PRAM1: variants seen among roughly 807,000 people sequenced by gnomAD.
The protein encoded by PRAM1 is PML-RARA regulated adaptor molecule 1, also known as PML-RARA-regulated adapter molecule 1.
Under a neutral mutation model 55.3 loss-of-function variants are expected in PRAM1, and 41 were observed. The observed-to-expected ratio is 0.74, with a 90% CI of 0.58 to 0.96. The LOEUF (loss-of-function observed/expected upper bound fraction) is 0.96. Among genes scored for constraint, PRAM1 ranks in the 40% least tolerant of loss-of-function variants. The pLI, the probability that PRAM1 is intolerant of heterozygous loss-of-function variation, is 0.00. For missense variants in PRAM1, 898 were observed against 892.7 expected, an observed-to-expected ratio of 1.01 and a Z score of -0.08; for synonymous variants, 401 against 387.1, an observed-to-expected ratio of 1.04 and a Z score of -0.42.
Position 8,490,078 on chromosome 19 carries a change from T to C in PRAM1, c.*111A>G. The C allele has an allele frequency of 9.4e-7, 1 of 1,068,466 alleles. No individual in the cohort carries two copies. Among genetic ancestry groups the C allele is most frequent in the Admixed American group, 2.9e-5 (1 of 34,626 alleles). 66.2% of individuals were successfully genotyped at this position (1,068,466 alleles called of 1,614,324 possible). Reference sequence around the variant, plus strand: ...GACTGCTTTAAACTGGGGCTTTATGTGGCCAGGTACAAGCCCAGGCAGCTC... The same window carrying C: ...GACTGCTTTAAACTGGGGCTTTATGCGGCCAGGTACAAGCCCAGGCAGCTC... On this transcript the variant is annotated 3_prime_UTR_variant, in exon 10 of 10. Transcript: ENST00000423345. This position sits in a 1 kb window ranked among gnomAD's most constrained non-coding sequence, Gnocchi z 7.3.
In PRAM1 at chr19:8,499,796, C is replaced by A; in HGVS notation, c.28-16G>T. ...GATGGCTCTCCTAGGAGACGCAGAG[C>A]CAATGAGGCAGGGGCTCAAACACAC... is the stretch of plus-strand genomic sequence containing the variant. On this transcript the variant is annotated splice_polypyrimidine_tract_variant and intron_variant, in intron 1 of 9. Coordinates refer to ENST00000423345, the MANE Select transcript of PRAM1 (RefSeq NM_032152.5). 1 of 1,569,974 alleles carries A rather than the reference C, an allele frequency of 6.4e-7. No individual in the cohort carries two copies. The highest frequency in any genetic ancestry group is 8.6e-7 in the Non-Finnish European group (1 of 1,158,018).
In PRAM1 at chr19:8,493,094, G is replaced by A. The variant is rs1445514585; in HGVS notation, c.1577-1937C>T. The stretch of plus-strand genomic sequence containing the variant: ...GACTCTGGACTGAGGGGTCTCCCAT[G>A]GTGCCAGTCTCCCTGTGCCACTTCC... On this transcript the variant is annotated intron_variant, in intron 4 of 9. Transcript: ENST00000423345. The surrounding 1 kb of genome is among the most constrained non-coding windows in gnomAD (Gnocchi z 4.1). Among the ~76,000 whole-genome samples the A allele has an allele frequency of 4.6e-5, 7 of 152,178 alleles. No homozygotes were observed. The highest frequency in any genetic ancestry group is 1.7e-4 in the African/African-American group (7 of 41,428).
Position 8,495,535 on chromosome 19 carries a change from G to A in PRAM1, c.1576+2229C>T, listed in dbSNP as rs549102059. On this transcript the variant is annotated intron_variant, in intron 4 of 9. Coordinates refer to ENST00000423345, the MANE Select transcript of PRAM1 (RefSeq NM_032152.5). Reference sequence around the variant, plus strand: ...GATGACAGGTGTGAGCTGCCACGCCGGGCCAGCCTTGTGCATCTGTAAAAT... The same window carrying A: ...GATGACAGGTGTGAGCTGCCACGCCAGGCCAGCCTTGTGCATCTGTAAAAT... 3.0e-4 allele frequency among the ~76,000 whole-genome samples: 45 copies of A among 152,158 alleles called. No homozygotes were observed. The Middle Eastern group carries it at 0.014, about 46-fold the overall frequency.
In PRAM1 at chr19:8,499,387, T is replaced by A; in HGVS notation, c.421A>T (p.Arg141Trp). 6.2e-7 allele frequency: 1 copy of A among 1,612,914 alleles called. No individual in the cohort carries two copies. The highest frequency in any genetic ancestry group is 8.5e-7 in the Non-Finnish European group (1 of 1,179,818). Reference protein sequence around the residue: ...FPQLGATPFPRKPLQPEVGEA... With the variant: ...FPQLGATPFPWKPLQPEVGEA... ...CCGACCTCAGGCTGCAGGGGCTTCC[T>A]TGGAAACGGAGTGGCCCCCAGCTGT... The change falls in exon 2 of 10, where the codon AGG (arginine) becomes TGG (tryptophan). Residue 141 changes from arginine (R) to tryptophan (W), a missense_variant. This residue lies in a region of PRAM1 where 787 missense variants were observed against 735.4 expected (regional missense o/e 1.07). Coordinates refer to ENST00000423345, the MANE Select transcript of PRAM1 (RefSeq NM_032152.5).
Position 8,490,079 on chromosome 19 carries a change from G to C in PRAM1, c.*110C>G. 1 of 1,070,420 alleles carries C rather than the reference G, an allele frequency of 9.3e-7. No homozygotes were observed. Among genetic ancestry groups the C allele is most frequent in the Non-Finnish European group, 1.3e-6 (1 of 755,000 alleles). The allele number at this position is 1,070,420 out of a possible 1,614,324, so 66.3% of individuals were successfully genotyped here. On this transcript the variant is annotated 3_prime_UTR_variant, in exon 10 of 10. Coordinates refer to ENST00000423345, the MANE Select transcript of PRAM1 (RefSeq NM_032152.5). This position sits in a 1 kb window ranked among gnomAD's most constrained non-coding sequence, Gnocchi z 7.3. ...ACTGCTTTAAACTGGGGCTTTATGT[G>C]GCCAGGTACAAGCCCAGGCAGCTCT...
chr19:8,498,517 G>T lies in PRAM1; in HGVS notation c.1291C>A (p.Pro431Thr). Residue 431 changes from proline (P) to threonine (T), a missense_variant, in exon 2 of 10, where the codon CCA becomes ACA. By Grantham distance (38) the Pro-to-Thr change is conservative. Around this residue, in one of 4 missense-constraint regions of PRAM1, gnomAD observed 787 missense variants for 735.4 expected, o/e 1.07. Coordinates refer to ENST00000423345, the MANE Select transcript of PRAM1 (RefSeq NM_032152.5). ...GGTGGATGGCTGGGTCTGAGGCCTGGCCTGGCCCCTCCACTGTGAACCAGG... is the reference window on the plus strand; with the variant it reads ...GGTGGATGGCTGGGTCTGAGGCCTGTCCTGGCCCCTCCACTGTGAACCAGG... ...GGLVHSGGAR[P>T]GLRPSHPPRR... is the part of the protein sequence containing the mutation. The T allele has an allele frequency of 3.7e-6, 6 of 1,605,054 alleles. No individual in the cohort carries two copies. Among genetic ancestry groups the T allele is most frequent in the Non-Finnish European group, 5.1e-6 (6 of 1,176,036 alleles).
Position 8,491,122 on chromosome 19 carries a change from GCCT to G in PRAM1, c.1609_1611del (p.Arg537del), listed in dbSNP as rs1971623666. 1.7e-5 allele frequency: 27 copies of G among 1,611,880 alleles called. No homozygotes were observed. The highest frequency in any genetic ancestry group is 2.1e-5 in the Non-Finnish European group (25 of 1,179,844). On this transcript the variant is annotated inframe_deletion, in exon 5 of 10. Coordinates refer to ENST00000423345, the MANE Select transcript of PRAM1 (RefSeq NM_032152.5). ...CACCTGAGCGCTGGGTCTTGTGGTG[GCCT>G]CCTGGCGGCTTGCTGAACTGAGGGC...
rs531785494 is a variant in PRAM1, at chr19:8,499,220, C to T, written c.588G>A (p.Glu196=). 5.6e-6 allele frequency: 9 copies of T among 1,613,270 alleles called. No individual in the cohort carries two copies. In the East Asian group the frequency reaches 1.6e-4, roughly 28 times the overall value. ...GGGACCTCGGGGTAGCCTCACCGGCCTCGGGTTGCCAGAGCTTCCTGGGGA... is the reference window on the plus strand; with the variant it reads ...GGGACCTCGGGGTAGCCTCACCGGCTTCGGGTTGCCAGAGCTTCCTGGGGA... ...GAFPRKLWQP[E]AGEATPRSPQ... is the part of the protein sequence containing the mutation. Residue 196 remains glutamate, a synonymous_variant, in exon 2 of 10, where the codon GAG becomes GAA. Transcript: ENST00000423345.
rs546470921 is a variant in PRAM1, at chr19:8,491,213, C to T, written c.1577-56G>A. ...AGGGCCCGCCGGCTCAGCCTTTACC[C>T]TGGTAGCTGTTTTTTGTTTGTTTTT... is the stretch of plus-strand genomic sequence containing the variant. On this transcript the variant is annotated intron_variant, in intron 4 of 9. Coordinates refer to ENST00000423345, the MANE Select transcript of PRAM1 (RefSeq NM_032152.5). The T allele has an allele frequency of 3.3e-6, 5 of 1,533,506 alleles. No individual in the cohort carries two copies. In the African/African-American group the frequency reaches 6.9e-5, roughly 21 times the overall value. 95.0% of individuals were successfully genotyped at this position (1,533,506 alleles called of 1,614,324 possible). A position where few individuals can be genotyped will look rare whatever the true frequency, so the allele number is the denominator to read the frequency against.
chr19:8,490,422 C>T lies in PRAM1; in HGVS notation c.1941-50G>A, dbSNP rs1175406563. ...AAGGGGCACCGTGGCCCATTCCCCC[C>T]ACCCTGCACCACACACCCCGCACTC... On this transcript the variant is annotated intron_variant, in intron 8 of 9. Coordinates refer to ENST00000423345, the MANE Select transcript of PRAM1 (RefSeq NM_032152.5). This position sits in a 1 kb window ranked among gnomAD's most constrained non-coding sequence, Gnocchi z 7.3. The T allele has an allele frequency of 3.1e-6, 5 of 1,613,700 alleles. No individual in the cohort carries two copies. Among genetic ancestry groups the T allele is most frequent in the South Asian group, 2.2e-5 (2 of 91,056 alleles).
chr19:8,490,948 T>G lies in PRAM1; in HGVS notation c.1682A>C (p.Lys561Thr). 1 of 1,613,842 alleles carries G rather than the reference T, an allele frequency of 6.2e-7. No individual in the cohort carries two copies. The highest frequency in any genetic ancestry group is 1.1e-5 in the South Asian group (1 of 91,084). The change falls in exon 6 of 10, where the codon AAG becomes ACG. Residue 561 changes from lysine to threonine, a missense_variant. By Grantham distance (78) the Lys-to-Thr change is moderately conservative. Coordinates refer to ENST00000423345, the MANE Select transcript of PRAM1 (RefSeq NM_032152.5). The surrounding 1 kb of genome is among the most constrained non-coding windows in gnomAD (Gnocchi z 7.3). ...QPQQLPPMDP[K>T]LLKQLRKAEK... ...TGCCTTCCTCAGCTGCTTCAGCAAC[T>G]TTGGGTCCATGGGTGGCAACTGCTG...
chr19:8,499,899 A>G, intron 1 of PRAM1, 119 bp from the exon 2 acceptor site: 3 of 812,858 alleles, frequency 3.7e-6, no homozygotes, highest in Non-Finnish European at 5.6e-6. Context: ...AGGCCCGGTC[A>G]GCCCTCAGCT....
chr19:8,502,408 C>T (rs1412654576), intron 1 of PRAM1, among the ~76,000 whole-genome samples, 157 bp downstream of exon 1: 3 of 152,150 alleles, frequency 2.0e-5, no homozygotes, highest in Non-Finnish European at 2.9e-5. Context: ...CCGCCTACCT[C>T]GGGTCCTTTT....
rs1971595276 is a variant in PRAM1 at position 8,490,349 on chromosome 19, ACAT to A, written c.1961_1963del (p.Asp654del). 1.9e-6 allele frequency: 3 copies of A among 1,613,942 alleles called. No homozygotes were observed. Among genetic ancestry groups the A allele is most frequent in the South Asian group, 1.1e-5 (1 of 91,086 alleles). ...GAGTGTCCACGTACCGCAGAAGTCG[ACAT>A]CATCGTACACCTCCGTCTCCCTGGC... On this transcript the variant is annotated inframe_deletion, in exon 9 of 10. Transcript: ENST00000423345. The surrounding 1 kb of genome is among the most constrained non-coding windows in gnomAD (Gnocchi z 7.3).
intron 4 of PRAM1, among the ~76,000 whole-genome samples, chr19:8,496,887 G>A (rs1430117156): frequency 9.2e-5 from 14 of 151,944 alleles, no homozygotes; most frequent in Admixed American, 4.6e-4. Context: ...TTAGCTGGGC[G>A]CGGTGGTGGG....
At chr19:8,497,696 C>T (rs1568315997) in intron 4 of PRAM1, 68 bp downstream of exon 4, 6 of 1,340,422 alleles carry the variant, frequency 4.5e-6, no homozygotes, top group Non-Finnish European at 4.2e-6. Context: ...GCTCTTACAC[C>T]AGGAGCATGG....
chr19:8,490,822 G>T lies in PRAM1; in HGVS notation c.1743+65C>A. 2 of 1,607,962 alleles carry T rather than the reference G, an allele frequency of 1.2e-6. No individual in the cohort carries two copies. Among genetic ancestry groups the T allele is most frequent in the Non-Finnish European group, 1.7e-6 (2 of 1,178,898 alleles). Reference sequence around the variant, plus strand: ...CCTTGGGCCCCTGTCTTCTTTCTGAGCCTGGGATCGGTGGGACCCTGGTCT... The same window carrying T: ...CCTTGGGCCCCTGTCTTCTTTCTGATCCTGGGATCGGTGGGACCCTGGTCT... On this transcript the variant is annotated intron_variant, in intron 6 of 9. Coordinates refer to ENST00000423345, the MANE Select transcript of PRAM1 (RefSeq NM_032152.5). The surrounding 1 kb of genome is among the most constrained non-coding windows in gnomAD (Gnocchi z 7.3).
At chr19:8,502,321 C>T (rs1971816816) in intron 1 of PRAM1, among the ~76,000 whole-genome samples, 1 of 152,094 alleles carries the variant, frequency 6.6e-6, no homozygotes. Context: ...CCCGGGGAGT[C>T]CCATCTGTCC....
Position 8,490,573 on chromosome 19 carries a change from T to A in PRAM1, c.1906+21A>T. On this transcript the variant is annotated intron_variant, in intron 7 of 9. Coordinates refer to ENST00000423345, the MANE Select transcript of PRAM1 (RefSeq NM_032152.5). This position sits in a 1 kb window ranked among gnomAD's most constrained non-coding sequence, Gnocchi z 7.3. ...GGTGGCGGCGGGGACCTCCCGGGGC[T>A]GCGGGGCCGGGCGCACTCACATTTG... 6.3e-7 allele frequency: 1 copy of A among 1,592,282 alleles called. No homozygotes were observed.
Sources: gnomAD v4.1 joint callset for allele counts (sites outside exome capture counted in the v4.1 genomes callset) on GRCh38, gnomAD v4.1.1 for gene constraint, gnomAD v4.1.1 regional missense constraint, Gnocchi (gnomAD v3.1) non-coding constraint, MANE v1.5 for transcripts, NCBI Gene and HGNC (gene_info 2026-07-23, HGNC 2026-07-21) for gene names.